The following WDFY4 variants were observed in gnomAD, a reference collection of about 807,000 sequenced individuals.
WDFY4 encodes the protein WDFY family member 4.
A neutral mutation model predicts 351.9 loss-of-function variants in WDFY4; 169 were observed. The ratio of observed to expected loss-of-function variants is 0.48; its 90% CI spans 0.42 to 0.55. The LOEUF is 0.55. Among genes scored for constraint, WDFY4 ranks in the 20% least tolerant of loss-of-function variants. The pLI, the probability that WDFY4 is intolerant of heterozygous loss-of-function variation, is 0.00. For missense variants in WDFY4, 3,803 were observed against 3,935.6 expected, an observed-to-expected ratio of 0.97 and a Z score of 0.90; for synonymous variants, 1,622 against 1,574.6, an observed-to-expected ratio of 1.03 and a Z score of -0.71.
At position 48,813,979 on chromosome 10, in the gene WDFY4, A is replaced by G. The variant is rs1350205510; in HGVS notation, c.5237A>G (p.Gln1746Arg). The G allele has an allele frequency of 1.3e-6, 2 of 1,549,114 alleles. No individual in the cohort carries two copies. Among genetic ancestry groups the G allele is most frequent in the Middle Eastern group, 1.7e-4 (1 of 5,998 alleles). ...CAGGACAGCCTTGATGCCATGCTTC[A>G]GTGGCTCCTGCAGAGGCACCACCAG... ...GPKDSLDAML[Q>R]WLLQRHHQEE... Residue 1746 changes from glutamine (Q) to arginine (R), a missense_variant, in exon 31 of 62, where the codon CAG (glutamine) becomes CGG (arginine). Physicochemically the swap from Gln to Arg is conservative, Grantham distance 43. This residue lies in a region of WDFY4 where 3,054 missense variants were observed against 3,148.6 expected (regional missense o/e 0.97). Transcript: ENST00000325239.
rs556149908 is a variant in WDFY4, at chr10:48,777,776, T to C, written c.3175+281T>C. ...AAAAAAGAAAAGCAAACATGAGTCT[T>C]GCCTTGGTCCTGAGTATCTGCAGAT... On this transcript the variant is annotated intron_variant, in intron 17 of 61. Transcript: ENST00000325239. Among the ~76,000 whole-genome samples the C allele has an allele frequency of 4.6e-5, 7 of 152,336 alleles. No homozygotes were observed. The East Asian group carries it at 1.3e-3, about 29-fold the overall frequency.
At chr10:48,950,187 A>G (rs2133795685) in intron 51 of WDFY4, among the ~76,000 whole-genome samples, 1 of 152,292 alleles carries the variant, frequency 6.6e-6, no homozygotes, top group Middle Eastern at 3.4e-3. Context: ...TGAAACCATG[A>G]AACAATAACT....
intron 27 of WDFY4, 106 bp from the exon 28 acceptor site, chr10:48,807,753 A>T: frequency 7.6e-7 from 1 of 1,312,284 alleles, no homozygotes; most frequent in Non-Finnish European, 1.1e-6. Flanking sequence ...CAGCCATGCC[A>T]CAATTCCTGG....
chr10:48,929,882 A>G (rs2133671229), intron 47 of WDFY4, among the ~76,000 whole-genome samples: 1 of 151,810 alleles, frequency 6.6e-6, no homozygotes, highest in South Asian at 2.1e-4. Flanking sequence ...TCCACCCCCA[A>G]TTAATAAAGC....
intron 35 of WDFY4, among the ~76,000 whole-genome samples, chr10:48,824,612 G>T (rs2067934854): frequency 6.6e-6 from 1 of 152,130 alleles, no homozygotes; most frequent in African/African-American, 2.4e-5. Flanking sequence ...TAGAGGAAAT[G>T]AGTCCTATTA....
chr10:48,790,284 A>T (rs929967032), intron 22 of WDFY4, among the ~76,000 whole-genome samples: 1 of 152,228 alleles, frequency 6.6e-6, no homozygotes, highest in Non-Finnish European at 1.5e-5. Context: ...AAGCAGAAGC[A>T]CTGGTTGTAG....
At chr10:48,906,264 A>T (rs1837612012) in intron 47 of WDFY4, among the ~76,000 whole-genome samples, 3 of 152,158 alleles carry the variant, frequency 2.0e-5, no homozygotes, top group South Asian at 2.1e-4. Flanking sequence ...TCAGCTTTTG[A>T]TGACTCATGT....
intron 39 of WDFY4, among the ~76,000 whole-genome samples, chr10:48,838,442 A>G (rs565039011): frequency 7.4e-4 from 112 of 152,324 alleles, no homozygotes; most frequent in African/African-American, 2.5e-3. Context: ...AGCAGAGGAC[A>G]AGATGCTGAC....
intron 57 of WDFY4, among the ~76,000 whole-genome samples, chr10:48,972,513 A>G (rs191546600): frequency 5.9e-5 from 9 of 152,318 alleles, no homozygotes; most frequent in Non-Finnish European, 1.3e-4. Context: ...TTACATTTCA[A>G]TCGTTCCATA....
At chr10:48,797,676 A>G (rs1376204901) in intron 24 of WDFY4, among the ~76,000 whole-genome samples, 1 of 152,158 alleles carries the variant, frequency 6.6e-6, no homozygotes, top group Non-Finnish European at 1.5e-5. Flanking sequence ...TCATTTCTCT[A>G]TTGCCAAATT....
intron 1 of WDFY4, among the ~76,000 whole-genome samples, chr10:48,699,216 TG>T (rs1252913175): frequency 6.6e-6 from 1 of 151,664 alleles, no homozygotes; most frequent in Non-Finnish European, 1.5e-5. Context: ...GAGAAGAGGG[TG>T]GGGCCTGGCC....
At chr10:48,889,429 C>A (rs2070596880) in intron 43 of WDFY4, among the ~76,000 whole-genome samples, 1 of 152,184 alleles carries the variant, frequency 6.6e-6, no homozygotes, top group African/African-American at 2.4e-5. Context: ...AGCTTTGCTT[C>A]AGTCCCAGGC....
chr10:48,843,562 G>GA (rs915973954), intron 39 of WDFY4, among the ~76,000 whole-genome samples: 33 of 151,476 alleles, frequency 2.2e-4, no homozygotes, highest in Middle Eastern at 3.2e-3. Context: ...ATGGATTTCA[G>GA]AAAAAAAATG....
At chr10:48,886,173 T>A (rs578045001) in intron 43 of WDFY4, among the ~76,000 whole-genome samples, 1 of 152,214 alleles carries the variant, frequency 6.6e-6, no homozygotes, top group African/African-American at 2.4e-5. Context: ...TCAGTTTTCC[T>A]ACCTATAAAA....
chr10:48,689,050 T>G lies in WDFY4; in HGVS notation c.-18+4049T>G, dbSNP rs190814316. Among the ~76,000 whole-genome samples the G allele has an allele frequency of 5.8e-4, 88 of 150,986 alleles. 2 individuals carry two copies. The highest frequency in any genetic ancestry group is 2.0e-3 in the African/African-American group (82 of 41,088). The stretch of plus-strand genomic sequence containing the variant: ...TTGGCCCCCTCCACCCCCACCCCAG[T>G]GAACTTCATGGTAGACAAGCAAGGC... On this transcript the variant is annotated intron_variant, in intron 1 of 61. Coordinates refer to ENST00000325239, the MANE Select transcript of WDFY4 (RefSeq NM_001394531.1).
intron 51 of WDFY4, among the ~76,000 whole-genome samples, chr10:48,947,404 G>A (rs970792186): frequency 4.6e-5 from 7 of 152,154 alleles, no homozygotes; most frequent in Non-Finnish European, 5.9e-5. Flanking sequence ...AAACTGAAAG[G>A]CTTCGAAGGA....
chr10:48,790,630 G>A, intron 22 of WDFY4, 97 bp from the exon 23 acceptor site: 2 of 1,360,368 alleles, frequency 1.5e-6, no homozygotes, highest in Non-Finnish European at 2.0e-6. Context: ...ATGGATGGTG[G>A]CACTGGTAGC....
chr10:48,943,212 G>T (rs1325189566), intron 48 of WDFY4, 118 bp from the exon 49 acceptor site: 4 of 1,218,282 alleles, frequency 3.3e-6, no homozygotes, highest in Non-Finnish European at 4.5e-6. Context: ...CCGAGGGGCT[G>T]GCTGCCTGTC....
intron 39 of WDFY4, among the ~76,000 whole-genome samples, chr10:48,854,257 C>T (rs1361296996): frequency 6.6e-6 from 1 of 151,906 alleles, no homozygotes; most frequent in Admixed American, 6.6e-5. Flanking sequence ...TACAGGTGTA[C>T]ACCACCATGC....
Sources: gnomAD v4.1 joint callset for allele counts (sites outside exome capture counted in the v4.1 genomes callset) on GRCh38, gnomAD v4.1.1 for gene constraint, gnomAD v4.1.1 regional missense constraint, MANE v1.5 for transcripts, NCBI Gene and HGNC (gene_info 2026-07-23, HGNC 2026-07-21) for gene names.